Variants in ARMH3 observed in about 807,000 individuals in gnomAD.
ARMH3 encodes armadillo-like helical domain-containing protein 3.
ARMH3 carries 60 observed loss-of-function variants against 99.1 expected under a neutral mutation model. The observed-to-expected ratio is 0.61, with a 90% CI of 0.49 to 0.75. The LOEUF (loss-of-function observed/expected upper bound fraction) is 0.75. Ranked by LOEUF, ARMH3 falls within the 30% of genes least tolerant of loss-of-function variation. The pLI is 0.00. For missense variants in ARMH3, 679 were observed against 843.1 expected, an observed-to-expected ratio of 0.81 and a Z score of 2.41; for synonymous variants, 285 against 292.8, an observed-to-expected ratio of 0.97 and a Z score of 0.27.
intron 1 of ARMH3, among the ~76,000 whole-genome samples, chr10:102,048,435 G>A (rs1339786924): frequency 6.6e-6 from 1 of 152,090 alleles, no homozygotes; most frequent in Non-Finnish European, 1.5e-5. Flanking sequence ...TTTTTGTTTT[G>A]TTTCATTTTG....
intron 5 of ARMH3, 79 bp downstream of exon 5, chr10:102,029,556 GAGT>G: frequency 6.2e-7 from 1 of 1,613,572 alleles, no homozygotes; most frequent in Non-Finnish European, 8.5e-7. Flanking sequence ...CCAAATCTTT[GAGT>G]ACATTTGTCT....
intron 24 of ARMH3, among the ~76,000 whole-genome samples, chr10:101,876,206 G>A (rs749756970): frequency 1.0e-4 from 12 of 120,126 alleles, no homozygotes; most frequent in Admixed American, 7.1e-4. Context: ...CTGAGATAGC[G>A]CCACTGCACT....
At chr10:102,020,875 T>C (rs2066870125) in intron 8 of ARMH3, among the ~76,000 whole-genome samples, 1 of 149,308 alleles carries the variant, frequency 6.7e-6, no homozygotes, top group Admixed American at 6.7e-5. Flanking sequence ...AAGTCTATAG[T>C]AGTATACAGT....
chr10:101,899,323 C>T (rs997380291), intron 23 of ARMH3, among the ~76,000 whole-genome samples: 2 of 152,036 alleles, frequency 1.3e-5, no homozygotes, highest in African/African-American at 4.8e-5. Flanking sequence ...CCATCATATT[C>T]GTAATTGCTT....
chr10:102,047,259 T>C (rs2136279676), intron 1 of ARMH3, among the ~76,000 whole-genome samples: 1 of 152,288 alleles, frequency 6.6e-6, no homozygotes, highest in Admixed American at 6.5e-5. Flanking sequence ...GTATAGTCAG[T>C]GTTCTGAGGA....
chr10:101,909,687 T>C (rs1842788967), intron 23 of ARMH3, among the ~76,000 whole-genome samples: 1 of 151,948 alleles, frequency 6.6e-6, no homozygotes, highest in Admixed American at 6.6e-5. Flanking sequence ...CTCGAACTCC[T>C]GGGCTCAAGT....
At chr10:102,013,915 A>C (rs1181671816) in intron 9 of ARMH3, 53 bp downstream of exon 9, 4 of 1,410,342 alleles carry the variant, frequency 2.8e-6, no homozygotes, top group Non-Finnish European at 3.9e-6. Context: ...CACTGAAAGT[A>C]ATACCATTGA....
chr10:102,039,380 T>C (rs2136239152), intron 2 of ARMH3, among the ~76,000 whole-genome samples: 1 of 152,206 alleles, frequency 6.6e-6, no homozygotes, highest in South Asian at 2.1e-4. Context: ...CTTGACCTTG[T>C]GATCCACCCA....
chr10:102,034,278 C>T (rs1343431285), intron 2 of ARMH3, among the ~76,000 whole-genome samples: 2 of 152,080 alleles, frequency 1.3e-5, no homozygotes, highest in Non-Finnish European at 2.9e-5. Context: ...CCAAAATTTC[C>T]TAGCAATAAT....
At chr10:102,037,509 G>C (rs537266233) in intron 2 of ARMH3, among the ~76,000 whole-genome samples, 1 of 151,958 alleles carries the variant, frequency 6.6e-6, no homozygotes, top group Admixed American at 6.6e-5. Context: ...ATGGAGAATG[G>C]CATAAAGAAG....
intron 3 of ARMH3, 39 bp downstream of exon 3, chr10:102,033,244 T>C: frequency 1.2e-6 from 2 of 1,613,444 alleles, no homozygotes; most frequent in Non-Finnish European, 1.7e-6. Flanking sequence ...AAGGCAATTT[T>C]AGTTACCAGG....
chr10:102,035,685 C>T (rs912261056), intron 2 of ARMH3, among the ~76,000 whole-genome samples: 3 of 152,264 alleles, frequency 2.0e-5, no homozygotes, highest in Admixed American at 1.3e-4. Context: ...GGATTGCAGA[C>T]GGAGTCTCGT....
At position 101,860,104 on chromosome 10, in the gene ARMH3, T is replaced by C. The variant is rs980454474; in HGVS notation, c.1861-10212A>G. 2.0e-5 allele frequency among the ~76,000 whole-genome samples: 3 copies of C among 152,218 alleles called. No individual in the cohort carries two copies. The East Asian group carries it at 5.8e-4, about 29-fold the overall frequency. On this transcript the variant is annotated intron_variant, in intron 24 of 25. Transcript: ENST00000370033. ...AAACGGGGAAAGGGAATATCAGAAA[T>C]GTTTTAGTAAATTATCTTAAAAAGG...
intron 10 of ARMH3, among the ~76,000 whole-genome samples, chr10:102,012,153 G>A (rs1470307389): frequency 6.6e-6 from 1 of 152,202 alleles, no homozygotes. Context: ...GGAGGAGGAA[G>A]GAAATCAGTA....
chr10:101,952,453 G>A (rs1313715582), intron 22 of ARMH3, among the ~76,000 whole-genome samples: 1 of 152,062 alleles, frequency 6.6e-6, no homozygotes, highest in Non-Finnish European at 1.5e-5. Context: ...TAACATGGAT[G>A]GGATCCTGGA....
intron 24 of ARMH3, among the ~76,000 whole-genome samples, chr10:101,885,694 AG>A (rs2135426737): frequency 6.6e-6 from 1 of 152,318 alleles, no homozygotes; most frequent in Admixed American, 6.5e-5. Context: ...CCTGGAGAGA[AG>A]GAGAGCAGAG....
intron 23 of ARMH3, among the ~76,000 whole-genome samples, chr10:101,922,862 G>A (rs1285273461): frequency 1.3e-5 from 2 of 152,006 alleles, no homozygotes; most frequent in East Asian, 3.9e-4. Context: ...GAGAACAATG[G>A]GAACCAACTG....
chr10:101,972,855 T>C lies in ARMH3; in HGVS notation c.1495+2357A>G, dbSNP rs191394405. ...CATGCCTAAGGACACTCATATATAC[T>C]TCCCCTCAGCTCATCAAGGGCCTTA... On this transcript the variant is annotated intron_variant, in intron 20 of 25. Transcript: ENST00000370033. 2.5e-3 allele frequency among the ~76,000 whole-genome samples: 374 copies of C among 152,262 alleles called. 3 individuals are homozygous for C. Among genetic ancestry groups the C allele is most frequent in the Middle Eastern group, 0.01 (3 of 294 alleles).
intron 22 of ARMH3, among the ~76,000 whole-genome samples, chr10:101,942,609 C>A (rs751947191): frequency 6.6e-6 from 1 of 152,116 alleles, no homozygotes; most frequent in South Asian, 2.1e-4. Context: ...TGCCTGTAAT[C>A]CCAGCACTTT....
Sources: gnomAD v4.1 joint callset for allele counts (sites outside exome capture counted in the v4.1 genomes callset) on GRCh38, gnomAD v4.1.1 for gene constraint, MANE v1.5 for transcripts, NCBI Gene and HGNC (gene_info 2026-07-23, HGNC 2026-07-21) for gene names.